PBX3: variants seen among roughly 807,000 people sequenced by gnomAD.
PBX3 encodes PBX homeobox 3.
A neutral mutation model predicts 48.5 loss-of-function variants in PBX3; 14 were observed. The observed-to-expected ratio is 0.29, with a 90% confidence interval of 0.19 to 0.45. The LOEUF (loss-of-function observed/expected upper bound fraction) is 0.45, where lower values mean the gene tolerates loss of function less well. Among genes scored for constraint, PBX3 ranks in the 20% least tolerant of loss-of-function variants. The probability of loss-of-function intolerance (pLI) is 1.00; values close to 1 mark genes in which losing one functional copy is unlikely to be tolerated. For synonymous variants in PBX3, 210 were observed against 200.3 expected (o/e 1.05, Z -0.41); for missense variants, 386 against 546.7 (o/e 0.71, Z 2.93).
chr9:125,916,886 G>A (rs894609936), intron 3 of PBX3, among the ~76,000 whole-genome samples: 1 of 152,116 alleles, frequency 6.6e-6, no homozygotes, highest in African/African-American at 2.4e-5. Context: ...CAAAAATAAT[G>A]AGAATAGTAT....
At chr9:125,879,883 G>T (rs1005898697) in intron 2 of PBX3, among the ~76,000 whole-genome samples, 1 of 152,130 alleles carries the variant, frequency 6.6e-6, no homozygotes, top group African/African-American at 2.4e-5. Context: ...TCTGAAAATG[G>T]TTTGAATACT....
intron 2 of PBX3, among the ~76,000 whole-genome samples, chr9:125,778,357 C>G (rs760593347): frequency 1.9e-4 from 29 of 151,670 alleles, no homozygotes; most frequent in Non-Finnish European, 4.3e-4. Context: ...CTCCTGGGTT[C>G]AAGCAATTCT....
chr9:125,855,611 A>G (rs532199449), intron 2 of PBX3, among the ~76,000 whole-genome samples: 3 of 152,248 alleles, frequency 2.0e-5, no homozygotes, highest in South Asian at 4.1e-4. Flanking sequence ...TGCTTTTGCT[A>G]GGGCACATTA....
At chr9:125,824,543 C>G (rs1838751370) in intron 2 of PBX3, among the ~76,000 whole-genome samples, 1 of 152,160 alleles carries the variant, frequency 6.6e-6, no homozygotes, top group African/African-American at 2.4e-5. Context: ...CAAGATAACT[C>G]TAGTCTCCAA....
chr9:125,913,433 T>C (rs748121786), intron 2 of PBX3, among the ~76,000 whole-genome samples: 9 of 152,136 alleles, frequency 5.9e-5, no homozygotes, highest in Non-Finnish European at 1.3e-4. Flanking sequence ...CTTTTGAGCT[T>C]ATGGATTGCT....
chr9:125,920,466 C>T (rs1439147676), intron 3 of PBX3, among the ~76,000 whole-genome samples: 1 of 152,198 alleles, frequency 6.6e-6, no homozygotes, highest in Non-Finnish European at 1.5e-5. Context: ...GAAATGGACA[C>T]ATTGGCTTTT....
At chr9:125,837,611 A>G (rs1001613844) in intron 2 of PBX3, among the ~76,000 whole-genome samples, 4 of 152,238 alleles carry the variant, frequency 2.6e-5, no homozygotes, top group Non-Finnish European at 5.9e-5. Context: ...AGGTTAATAA[A>G]GAGCCACTTT....
chr9:125,880,189 T>G (rs910030780), intron 2 of PBX3, among the ~76,000 whole-genome samples: 9 of 152,132 alleles, frequency 5.9e-5, no homozygotes, highest in African/African-American at 2.2e-4. Flanking sequence ...GGATTACAGG[T>G]GTGCACCACC....
chr9:125,754,670 G>T (rs1448111233), intron 2 of PBX3, among the ~76,000 whole-genome samples: 1 of 151,914 alleles, frequency 6.6e-6, no homozygotes, highest in Non-Finnish European at 1.5e-5. Context: ...ATTGCAACAA[G>T]AATTTCTTCT....
chr9:125,834,340 G>T (rs1460643206), intron 2 of PBX3, among the ~76,000 whole-genome samples: 1 of 152,098 alleles, frequency 6.6e-6, no homozygotes, highest in African/African-American at 2.4e-5. Flanking sequence ...AGTTTTTAAG[G>T]TGATACATTG....
chr9:125,825,633 A>T (rs2132172998), intron 2 of PBX3, among the ~76,000 whole-genome samples: 1 of 152,328 alleles, frequency 6.6e-6, no homozygotes, highest in Non-Finnish European at 1.5e-5. Context: ...GTTAAAACAG[A>T]AAATGTGACA....
In PBX3 at chr9:125,967,021, G is replaced by C. The variant is rs1447824752; in HGVS notation, c.*1098G>C. On this transcript the variant is annotated 3_prime_UTR_variant, in exon 9 of 9. Coordinates refer to ENST00000373489, the MANE Select transcript of PBX3 (RefSeq NM_006195.6). Reference sequence around the variant, plus strand: ...AACATTGGGTCTTAATTCAACACAGGATCGGTAAAACTGTTGTAAATACTG... The same window carrying C: ...AACATTGGGTCTTAATTCAACACAGCATCGGTAAAACTGTTGTAAATACTG... 6.6e-6 allele frequency: 1 copy of C among 151,796 alleles called. No individual in the cohort carries two copies. The highest frequency in any genetic ancestry group is 1.5e-5 in the Non-Finnish European group (1 of 67,948). 9.4% of individuals were successfully genotyped at this position (151,796 alleles called of 1,614,324 possible).
At chr9:125,851,889 T>TA (rs1024420123) in intron 2 of PBX3, among the ~76,000 whole-genome samples, 7 of 149,776 alleles carry the variant, frequency 4.7e-5, no homozygotes, top group Non-Finnish European at 7.4e-5. Flanking sequence ...TTTTTTTTTT[T>TA]ACAAAGAGGC....
chr9:125,773,689 C>T (rs901583326), intron 2 of PBX3, among the ~76,000 whole-genome samples: 2 of 152,074 alleles, frequency 1.3e-5, no homozygotes, highest in Admixed American at 1.3e-4. Flanking sequence ...CGTTTTCCAC[C>T]TGAGAGAGAG....
chr9:125,948,541 C>T (rs1305940800), intron 5 of PBX3, among the ~76,000 whole-genome samples: 3 of 152,006 alleles, frequency 2.0e-5, no homozygotes, highest in African/African-American at 4.8e-5. Context: ...TAGAAAATAA[C>T]TGAATGACAG....
intron 2 of PBX3, chr9:125,843,720 A>G: frequency 2.3e-6 from 1 of 438,818 alleles, no homozygotes; most frequent in Non-Finnish European, 4.6e-6. Flanking sequence ...TTTAGTAGTC[A>G]TTTCGGCCAT....
At chr9:125,853,816 A>G (rs1277597936) in intron 2 of PBX3, among the ~76,000 whole-genome samples, 3 of 152,224 alleles carry the variant, frequency 2.0e-5, no homozygotes, top group South Asian at 4.1e-4. Flanking sequence ...ATTAACATGA[A>G]CACAATTTAA....
At chr9:125,857,851 T>A (rs2132279573) in intron 2 of PBX3, among the ~76,000 whole-genome samples, 1 of 152,336 alleles carries the variant, frequency 6.6e-6, no homozygotes, top group African/African-American at 2.4e-5. Flanking sequence ...TATATGTGAA[T>A]CAGGGGATTT....
At chr9:125,821,162 C>G (rs573631217) in intron 2 of PBX3, among the ~76,000 whole-genome samples, 15 of 152,090 alleles carry the variant, frequency 9.9e-5, no homozygotes, top group Non-Finnish European at 1.6e-4. Context: ...TTTTCGTTAC[C>G]AATAAATGAT....
Sources: gnomAD v4.1 joint callset for allele counts (sites outside exome capture counted in the v4.1 genomes callset) on GRCh38, gnomAD v4.1.1 for gene constraint, MANE v1.5 for transcripts, NCBI Gene and HGNC (gene_info 2026-07-23, HGNC 2026-07-21) for gene names.